The following WDR64 variants were observed in gnomAD, a reference collection of about 807,000 sequenced individuals.
The protein encoded by WDR64 is WD repeat-containing protein 64.
A neutral mutation model predicts 139.3 loss-of-function variants in WDR64; 112 were observed. That is an observed-to-expected ratio of 0.80 (90% CI 0.69 to 0.94). WDR64 has a LOEUF of 0.94. Ranked by LOEUF, WDR64 falls within the 40% of genes least tolerant of loss-of-function variation. The pLI is 0.00. For synonymous variants in WDR64, 444 were observed against 437.7 expected, an observed-to-expected ratio of 1.01 and a Z score of -0.18; for missense variants, 1,206 against 1,293.1, an observed-to-expected ratio of 0.93 and a Z score of 1.03.
intron 6 of WDR64, among the ~76,000 whole-genome samples, chr1:241,680,972 C>G (rs906073464): frequency 2.6e-5 from 4 of 152,262 alleles, no homozygotes; most frequent in African/African-American, 9.6e-5. Context: ...CTGTCACCTA[C>G]AGATTTAACT....
At chr1:241,793,560 C>T (rs1186913037) in intron 25 of WDR64, among the ~76,000 whole-genome samples, 1 of 152,206 alleles carries the variant, frequency 6.6e-6, no homozygotes, top group East Asian at 1.9e-4. Flanking sequence ...ATTTAATCTT[C>T]AATTCTTTTC....
intron 27 of WDR64, among the ~76,000 whole-genome samples, chr1:241,797,612 G>A (rs1188181899): frequency 6.6e-6 from 1 of 152,134 alleles, no homozygotes; most frequent in African/African-American, 2.4e-5. Context: ...AATAATGTTA[G>A]CTTGTGCACT....
intron 9 of WDR64, among the ~76,000 whole-genome samples, chr1:241,713,202 T>C (rs1668243038): frequency 6.6e-6 from 1 of 151,508 alleles, no homozygotes; most frequent in African/African-American, 2.4e-5. Flanking sequence ...CCCTAGCTAC[T>C]AGAGAGGCTG....
chr1:241,799,033 A>C (rs1356531394), intron 27 of WDR64, among the ~76,000 whole-genome samples: 1 of 151,932 alleles, frequency 6.6e-6, no homozygotes, highest in South Asian at 2.1e-4. Flanking sequence ...TAAGTGAAAG[A>C]TGGTATATGT....
At chr1:241,769,704 T>A (rs1051457601) in intron 17 of WDR64, among the ~76,000 whole-genome samples, 199 bp downstream of exon 17, 6 of 152,218 alleles carry the variant, frequency 3.9e-5, no homozygotes, top group African/African-American at 1.4e-4. Context: ...CCCATAACTG[T>A]CATTTTGGAG....
chr1:241,706,814 A>G (rs1309992170), intron 8 of WDR64, among the ~76,000 whole-genome samples: 1 of 152,186 alleles, frequency 6.6e-6, no homozygotes, highest in Non-Finnish European at 1.5e-5. Context: ...CTCACTCATC[A>G]AGGTATTTTA....
At chr1:241,702,527 A>G (rs1414068386) in intron 8 of WDR64, among the ~76,000 whole-genome samples, 1 of 152,098 alleles carries the variant, frequency 6.6e-6, no homozygotes. Context: ...AAAGGAAAAA[A>G]AAAAAAAGAA....
chr1:241,724,717 C>T (rs1352009595), intron 10 of WDR64, among the ~76,000 whole-genome samples: 1 of 152,136 alleles, frequency 6.6e-6, no homozygotes, highest in Non-Finnish European at 1.5e-5. Context: ...AATTCCTAAG[C>T]ATAGCACCTA....
intron 8 of WDR64, among the ~76,000 whole-genome samples, chr1:241,695,947 C>A (rs1465026647): frequency 6.6e-6 from 1 of 151,394 alleles, no homozygotes; most frequent in Non-Finnish European, 1.5e-5. Flanking sequence ...GATCCTGTCG[C>A]TACAAATAAG....
In WDR64 at chr1:241,687,651, T is replaced by C. The variant is rs1434089546; in HGVS notation, c.974+56T>C. The C allele has an allele frequency of 2.6e-6, 4 of 1,512,944 alleles. No homozygotes were observed. The Admixed American group carries it at 6.3e-5, about 24-fold the overall frequency. 93.7% of individuals were successfully genotyped at this position (1,512,944 alleles called of 1,614,324 possible). On this transcript the variant is annotated intron_variant, in intron 8 of 27. Coordinates refer to ENST00000437684, the MANE Select transcript of WDR64 (RefSeq NM_001367482.1). Reference sequence around the variant, plus strand: ...TCTGTGAATTTCAAGCTTTTTACAATGATAAAACCATGACAGCTTTGAAAC... The same window carrying C: ...TCTGTGAATTTCAAGCTTTTTACAACGATAAAACCATGACAGCTTTGAAAC...
chr1:241,785,169 C>A (rs1380761845), intron 23 of WDR64, among the ~76,000 whole-genome samples: 2 of 152,062 alleles, frequency 1.3e-5, no homozygotes, highest in African/African-American at 4.8e-5. Context: ...TATGTACATG[C>A]CACTGTTGTT....
intron 2 of WDR64, among the ~76,000 whole-genome samples, chr1:241,663,711 T>A (rs1464713121): frequency 1.3e-5 from 2 of 152,256 alleles, no homozygotes; most frequent in Non-Finnish European, 2.9e-5. Context: ...TACATTTAAA[T>A]TAAATTAGAA....
At chr1:241,768,856 T>C (rs1490275917) in intron 16 of WDR64, among the ~76,000 whole-genome samples, 2 of 152,166 alleles carry the variant, frequency 1.3e-5, no homozygotes, top group African/African-American at 4.8e-5. Flanking sequence ...AAGAGCAGGG[T>C]CCTCACTGGA....
intron 8 of WDR64, among the ~76,000 whole-genome samples, chr1:241,705,357 C>T (rs567750017): frequency 8.1e-4 from 123 of 151,810 alleles, no homozygotes; most frequent in South Asian, 2.1e-3. Context: ...CCGGCTAACA[C>T]GGTGAAACCC....
At chr1:241,771,788 T>C in intron 19 of WDR64, 91 bp downstream of exon 19, 1 of 655,862 alleles carries the variant, frequency 1.5e-6, no homozygotes, top group Non-Finnish European at 2.2e-6. Flanking sequence ...TGAATATATA[T>C]ATTCCTTAAT....
chr1:241,749,944 C>T (rs1669919987), intron 14 of WDR64, among the ~76,000 whole-genome samples: 1 of 152,124 alleles, frequency 6.6e-6, no homozygotes, highest in South Asian at 2.1e-4. Flanking sequence ...ATCAAGCTTC[C>T]GCTGAAGGGT....
At chr1:241,686,038 G>C (rs1012967140) in intron 7 of WDR64, among the ~76,000 whole-genome samples, 3 of 152,196 alleles carry the variant, frequency 2.0e-5, no homozygotes, top group Admixed American at 2.0e-4. Flanking sequence ...TCTGGGTACA[G>C]TTAAATGAAT....
At chr1:241,787,201 A>C (rs1280277315) in intron 23 of WDR64, among the ~76,000 whole-genome samples, 1 of 147,448 alleles carries the variant, frequency 6.8e-6, no homozygotes, top group East Asian at 2.0e-4. Flanking sequence ...AAAAATACAA[A>C]AAAAAAAAAA....
chr1:241,707,430 T>A (rs1339185746), intron 8 of WDR64, among the ~76,000 whole-genome samples: 1 of 152,150 alleles, frequency 6.6e-6, no homozygotes, highest in African/African-American at 2.4e-5. Flanking sequence ...AAAAACTAAT[T>A]TTTTTAGCAA....
Sources: allele counts gnomAD v4.1 joint callset (sites outside exome capture counted in the v4.1 genomes callset), GRCh38; gene constraint gnomAD v4.1.1; transcripts MANE v1.5; gene names NCBI Gene and HGNC (gene_info 2026-07-23, HGNC 2026-07-21).